CYREN: variants seen among roughly 807,000 people sequenced by gnomAD.
The protein encoded by CYREN is cell cycle regulator of non-homologous end joining.
Under a neutral mutation model 9.7 loss-of-function variants are expected in CYREN, and 7 were observed. That is an observed-to-expected ratio of 0.72 (90% CI 0.41 to 1.36). CYREN has a LOEUF of 1.36. CYREN is among the 40% of genes most tolerant of loss of function. The pLI is 0.01. For missense variants in CYREN, 215 were observed against 198.1 expected, an observed-to-expected ratio of 1.09 and a Z score of -0.51; for synonymous variants, 76 against 77.9, an observed-to-expected ratio of 0.98 and a Z score of 0.13.
chr7:135,160,737 AAAAAAAAAAAC>A (rs1829911818), intron 2 of CYREN, among the ~76,000 whole-genome samples: 1 of 150,648 alleles, frequency 6.6e-6, no homozygotes, highest in African/African-American at 2.4e-5. Flanking sequence ...CGCTCATTTA[AAAAAAAAAAAC>A]AAAAAAAAGA....
chr7:135,108,831 AT>A (rs2117110350), intron 2 of CYREN, among the ~76,000 whole-genome samples: 1 of 152,268 alleles, frequency 6.6e-6, no homozygotes, highest in East Asian at 1.9e-4. Context: ...TGATTCATAA[AT>A]TTGGCCTCTT....
chr7:135,110,788 A>T (rs1398512937), intron 2 of CYREN, among the ~76,000 whole-genome samples: 1 of 152,118 alleles, frequency 6.6e-6, no homozygotes, highest in African/African-American at 2.4e-5. Flanking sequence ...CAGCCTCCCA[A>T]CCACTTTCTT....
rs147393389 is a variant in CYREN, at chr7:135,151,761, C to G, written n.356+16988G>C. ...GATGAGGATGTGAGGCTCAGGCTGGCTATGTAACTTGCCCAAGGTCATATG... is the reference window on the plus strand; with the variant it reads ...GATGAGGATGTGAGGCTCAGGCTGGGTATGTAACTTGCCCAAGGTCATATG... On this transcript the variant is annotated intron_variant and non_coding_transcript_variant, in intron 2 of 2. Coordinates refer to the CYREN transcript ENST00000459937. This position sits in a 1 kb window ranked among gnomAD's most constrained non-coding sequence, Gnocchi z 4.3. 1.4e-3 allele frequency among the ~76,000 whole-genome samples: 219 copies of G among 152,304 alleles called. No homozygotes were observed. The highest frequency in any genetic ancestry group is 2.6e-3 in the Admixed American group (40 of 15,302).
intron 2 of CYREN, among the ~76,000 whole-genome samples, chr7:135,134,387 G>A (rs1395414839): frequency 2.7e-5 from 4 of 148,236 alleles, no homozygotes; most frequent in African/African-American, 4.9e-5. Flanking sequence ...AAGCTCCCCC[G>A]AGGAAAACTT....
intron 2 of CYREN, among the ~76,000 whole-genome samples, chr7:135,154,350 C>T (rs1358955416): frequency 6.6e-6 from 1 of 152,062 alleles, no homozygotes; most frequent in Non-Finnish European, 1.5e-5. Context: ...TTTTTTGTCC[C>T]TGTTTCATTT....
chr7:135,164,069 A>G (rs879800072), downstream of CYREN, among the ~76,000 whole-genome samples: 1 of 152,242 alleles, frequency 6.6e-6, no homozygotes, highest in Non-Finnish European at 1.5e-5. Context: ...CCACCTTCAA[A>G]AAAGATCTGA....
intron 2 of CYREN, among the ~76,000 whole-genome samples, chr7:135,149,485 AAC>A (rs1829619430): frequency 6.6e-6 from 1 of 152,242 alleles, no homozygotes; most frequent in African/African-American, 2.4e-5. Flanking sequence ...TGCTGTGCTG[AAC>A]ATTCCTATGT....
rs1830604271 is a variant in CYREN at position 135,170,689 on chromosome 7, A to G, written c.-176T>C. The G allele has an allele frequency of 6.6e-6, 1 of 152,116 alleles. No homozygotes were observed. Among genetic ancestry groups the G allele is most frequent in the African/African-American group, 2.4e-5 (1 of 41,370 alleles). The allele number at this position is 152,116 out of a possible 1,614,324, so 9.4% of individuals were successfully genotyped here. A position where few individuals can be genotyped will look rare whatever the true frequency, so the allele number is the denominator to read the frequency against. On this transcript the variant is annotated 5_prime_UTR_variant, in exon 1 of 4. Transcript: ENST00000393114. ...GCCCTGCCGTCTCGCCTGGCGCCCA[A>G]ACTCTGCGGACCTCCACTGGCCGCC... is the stretch of plus-strand genomic sequence containing the variant.
At chr7:135,146,183 C>A (rs1258646137) in intron 2 of CYREN, among the ~76,000 whole-genome samples, 3 of 152,068 alleles carry the variant, frequency 2.0e-5, no homozygotes, top group Admixed American at 1.3e-4. Context: ...GGAGACCTAA[C>A]GTGAGAGAGA....
At chr7:135,119,470 A>T (rs185572799) in intron 2 of CYREN, among the ~76,000 whole-genome samples, 228 of 151,956 alleles carry the variant, frequency 1.5e-3, no homozygotes, top group African/African-American at 5.3e-3. Context: ...ACCTCAAGTG[A>T]TCTGACTCCC....
chr7:135,172,094 T>C (rs1277689726), upstream of CYREN, among the ~76,000 whole-genome samples: 1 of 152,144 alleles, frequency 6.6e-6, no homozygotes, highest in Non-Finnish European at 1.5e-5. Flanking sequence ...GTAAGACTAG[T>C]CTTTGGAACT....
chr7:135,140,212 T>C (rs957323815), intron 2 of CYREN, among the ~76,000 whole-genome samples: 3 of 152,128 alleles, frequency 2.0e-5, no homozygotes, highest in African/African-American at 7.2e-5. Flanking sequence ...TGTTTTTCCA[T>C]TTATTTGTGT....
chr7:135,159,998 A>C (rs920266237), intron 2 of CYREN, among the ~76,000 whole-genome samples: 4 of 152,248 alleles, frequency 2.6e-5, no homozygotes, highest in African/African-American at 9.6e-5. Flanking sequence ...AAATAATGTT[A>C]CAAAGCATCT....
rs563566753 is a variant in CYREN, at chr7:135,146,668, A to C, written n.356+22081T>G. Among the ~76,000 whole-genome samples the C allele has an allele frequency of 2.6e-5, 4 of 152,356 alleles. No homozygotes were observed. In the East Asian group the frequency reaches 7.7e-4, roughly 29 times the overall value. ...TCTGGAACATGCAGTGGGGAAGAAG[A>C]AAGCTAAATCTTCACCTTTTATGGT... is the stretch of plus-strand genomic sequence containing the variant. On this transcript the variant is annotated intron_variant and non_coding_transcript_variant, in intron 2 of 2. Transcript: ENST00000459937.
At chr7:135,104,024 C>T (rs1256994103) in intron 2 of CYREN, among the ~76,000 whole-genome samples, 1 of 151,954 alleles carries the variant, frequency 6.6e-6, no homozygotes, top group Non-Finnish European at 1.5e-5. Flanking sequence ...ATTTCATCAC[C>T]CCAGTACCCA....
At chr7:135,156,090 A>C (rs1437960473) in intron 2 of CYREN, among the ~76,000 whole-genome samples, 2 of 152,034 alleles carry the variant, frequency 1.3e-5, no homozygotes, top group South Asian at 2.1e-4. Flanking sequence ...CTGGCATGTA[A>C]GAATTCTGCT....
intron 2 of CYREN, among the ~76,000 whole-genome samples, chr7:135,108,495 G>T (rs1825110303): frequency 6.6e-6 from 1 of 152,116 alleles, no homozygotes; most frequent in Non-Finnish European, 1.5e-5. Flanking sequence ...GGAATTCTGG[G>T]TTCAAAATTT....
downstream of CYREN, chr7:135,164,448 G>A (rs776496054): frequency 2.2e-5 from 35 of 1,596,852 alleles, no homozygotes; most frequent in Admixed American, 6.7e-5. Flanking sequence ...AGAGATGGCC[G>A]GCCCAAGGCC....
At chr7:135,111,058 A>G (rs1035626695) in intron 2 of CYREN, among the ~76,000 whole-genome samples, 1 of 152,114 alleles carries the variant, frequency 6.6e-6, no homozygotes, top group Non-Finnish European at 1.5e-5. Flanking sequence ...CCTACCTAAC[A>G]TCTCCCCTTT....
Sources: gnomAD v4.1 joint callset for allele counts (sites outside exome capture counted in the v4.1 genomes callset) on GRCh38, gnomAD v4.1.1 for gene constraint, Gnocchi (gnomAD v3.1) non-coding constraint, MANE v1.5 for transcripts, NCBI Gene and HGNC (gene_info 2026-07-23, HGNC 2026-07-21) for gene names.